THSD7B: variants seen among roughly 807,000 people sequenced by gnomAD.
The protein encoded by THSD7B is thrombospondin type-1 domain-containing protein 7B.
THSD7B carries 138 observed loss-of-function variants against 213.6 expected under a neutral mutation model. That is an observed-to-expected ratio of 0.65 (90% CI 0.56 to 0.74). The LOEUF (loss-of-function observed/expected upper bound fraction) is 0.74, where lower values mean the gene tolerates loss of function less well. THSD7B is among the 30% of genes least tolerant of loss of function. THSD7B has a pLI of 0.00. For synonymous variants in THSD7B, 742 were observed against 687.0 expected (o/e 1.08, Z -1.25); for missense variants, 1,931 against 1,991.5 (o/e 0.97, Z 0.58).
chr2:136,855,758 C>T (rs1683171790), intron 1 of THSD7B, among the ~76,000 whole-genome samples: 1 of 152,022 alleles, frequency 6.6e-6, no homozygotes, highest in Admixed American at 6.6e-5. Context: ...AGGCGTGAGC[C>T]ATCACGCCCG....
At chr2:137,138,066 A>G (rs1460911179) in intron 5 of THSD7B, among the ~76,000 whole-genome samples, 4 of 151,900 alleles carry the variant, frequency 2.6e-5, no homozygotes, top group African/African-American at 9.7e-5. Flanking sequence ...TTTTTAAAAT[A>G]GTTCTTTTGT....
chr2:136,976,592 T>C (rs1306806519), intron 2 of THSD7B, among the ~76,000 whole-genome samples: 2 of 152,146 alleles, frequency 1.3e-5, no homozygotes, highest in Non-Finnish European at 2.9e-5. Context: ...TTGAGGGTTT[T>C]TGTATCAATG....
intron 12 of THSD7B, among the ~76,000 whole-genome samples, chr2:137,326,833 C>A (rs111411223): frequency 0.013 from 1,913 of 152,210 alleles, 34 homozygotes; most frequent in African/African-American, 0.044. Context: ...TAGCACAGAT[C>A]AATATAAGAA....
intron 15 of THSD7B, among the ~76,000 whole-genome samples, chr2:137,456,011 A>C (rs1687755602): frequency 2.0e-5 from 3 of 152,206 alleles, no homozygotes; most frequent in Admixed American, 6.5e-5. Flanking sequence ...GTTTGAATAA[A>C]AATTTTGTAT....
intron 15 of THSD7B, among the ~76,000 whole-genome samples, chr2:137,458,329 A>G (rs968590085): frequency 1.3e-5 from 2 of 152,188 alleles, no homozygotes; most frequent in South Asian, 4.1e-4. Flanking sequence ...AACTATTTTT[A>G]TGAACTCTGC....
intron 4 of THSD7B, among the ~76,000 whole-genome samples, chr2:137,113,435 TTTTG>T (rs1688387802): frequency 6.6e-6 from 1 of 152,152 alleles, no homozygotes; most frequent in African/African-American, 2.4e-5. Flanking sequence ...TGTGTGTTTT[TTTTG>T]TTTGTTTGTT....
At chr2:137,277,057 T>G (rs1682892613) in intron 12 of THSD7B, among the ~76,000 whole-genome samples, 1 of 152,006 alleles carries the variant, frequency 6.6e-6, no homozygotes, top group Admixed American at 6.6e-5. Context: ...TTTGCCTACT[T>G]TCTGCTGAAA....
intron 18 of THSD7B, among the ~76,000 whole-genome samples, chr2:137,616,988 C>G (rs1381470598): frequency 2.0e-5 from 3 of 152,136 alleles, no homozygotes; most frequent in Non-Finnish European, 4.4e-5. Flanking sequence ...GACAACCAAA[C>G]CACCACATGC....
chr2:137,257,479 C>T (rs1682337284), intron 10 of THSD7B, among the ~76,000 whole-genome samples: 1 of 152,196 alleles, frequency 6.6e-6, no homozygotes, highest in African/African-American at 2.4e-5. Flanking sequence ...GGGTATCTCA[C>T]AAAGTCCCCA....
chr2:137,400,347 T>G (rs951968991), intron 12 of THSD7B, among the ~76,000 whole-genome samples: 6 of 152,144 alleles, frequency 3.9e-5, no homozygotes, highest in African/African-American at 1.4e-4. Flanking sequence ...TCTGCGCATC[T>G]AGAGCAACAG....
intron 1 of THSD7B, among the ~76,000 whole-genome samples, chr2:136,845,310 A>G (rs1207933568): frequency 6.6e-6 from 1 of 152,210 alleles, no homozygotes; most frequent in Admixed American, 6.5e-5. Flanking sequence ...AGTGGGCATT[A>G]TTATGCTTAG....
At chr2:137,072,529 T>C (rs1439232390) in intron 3 of THSD7B, among the ~76,000 whole-genome samples, 2 of 152,150 alleles carry the variant, frequency 1.3e-5, no homozygotes, top group Admixed American at 1.3e-4. Flanking sequence ...TTTCTAGATA[T>C]ACAATCATGT....
intron 2 of THSD7B, among the ~76,000 whole-genome samples, chr2:136,933,937 A>G (rs893019041): frequency 6.6e-5 from 10 of 152,160 alleles, no homozygotes; most frequent in African/African-American, 1.9e-4. Flanking sequence ...AGGTTGCGCT[A>G]TTAACTGAGG....
chr2:136,806,061 G>A (rs1174442506), intron 1 of THSD7B, among the ~76,000 whole-genome samples: 1 of 152,168 alleles, frequency 6.6e-6, no homozygotes, highest in East Asian at 1.9e-4. Flanking sequence ...AGTCCCTCAG[G>A]GAAATTCAGG....
Position 137,620,672 on chromosome 2 carries a change from C to G in THSD7B, c.3745C>G (p.Gln1249Glu). ...CTTGGTGGAATGCGTGGTCAACTGTCAGCTCTCAGGGTGGACGGCTTGGAC... is the reference window on the plus strand; with the variant it reads ...CTTGGTGGAATGCGTGGTCAACTGTGAGCTCTCAGGGTGGACGGCTTGGAC... ...PCLVECVVNC[Q>E]LSGWTAWTEC... The change falls in exon 20 of 28, where the codon CAG becomes GAG. Residue 1249 changes from glutamine (Q) to glutamate (E), a missense_variant. Gln to Glu is a conservative substitution (Grantham distance 29, BLOSUM62 2). Transcript: ENST00000409968. 3 of 1,613,950 alleles carry G rather than the reference C, an allele frequency of 1.9e-6. No individual in the cohort carries two copies. The highest frequency in any genetic ancestry group is 2.5e-6 in the Non-Finnish European group (3 of 1,179,834).
chr2:137,373,218 T>C (rs1407169890), intron 12 of THSD7B, among the ~76,000 whole-genome samples: 1 of 152,218 alleles, frequency 6.6e-6, no homozygotes, highest in Non-Finnish European at 1.5e-5. Flanking sequence ...TACCCAGTAA[T>C]GGGACGGCCG....
chr2:137,303,730 A>ATATATATATTTT (rs1445691019), intron 12 of THSD7B, among the ~76,000 whole-genome samples: 14,663 of 126,392 alleles, frequency 0.12, 1,576 homozygotes, highest in African/African-American at 0.23. Flanking sequence ...ATATATATTT[A>ATATATATATTTT]TATATATATT....
chr2:136,890,423 T>C (rs1391410019), intron 2 of THSD7B, among the ~76,000 whole-genome samples: 5 of 3,248 alleles, frequency 1.5e-3, no homozygotes, highest in East Asian at 0.25. Flanking sequence ...TTCTTCTTCT[T>C]CTTCTTCTTC....
intron 1 of THSD7B, among the ~76,000 whole-genome samples, chr2:136,790,119 TTGTG>T (rs34366029): frequency 2.7e-4 from 40 of 148,118 alleles, no homozygotes; most frequent in South Asian, 1.3e-3. Flanking sequence ...GTGTGTGTGT[TTGTG>T]TGTGTGTGTG....
Sources: allele counts gnomAD v4.1 joint callset (sites outside exome capture counted in the v4.1 genomes callset), GRCh38; gene constraint gnomAD v4.1.1; transcripts MANE v1.5; gene names NCBI Gene and HGNC (gene_info 2026-07-23, HGNC 2026-07-21).